The following TSKS variants were observed in gnomAD, a reference collection of about 807,000 sequenced individuals.
The protein encoded by TSKS is testis specific serine kinase substrate, also known as testis-specific serine kinase substrate.
TSKS carries 27 observed loss-of-function variants against 68.0 expected under a neutral mutation model. That is an observed-to-expected ratio of 0.40 (90% confidence interval 0.29 to 0.55). TSKS has a LOEUF of 0.55. Ranked by LOEUF, TSKS falls within the 20% of genes least tolerant of loss-of-function variation. The pLI, the probability that TSKS is intolerant of heterozygous loss-of-function variation, is 0.53. For synonymous variants in TSKS, 331 were observed against 340.4 expected, an observed-to-expected ratio of 0.97 and a Z score of 0.30; for missense variants, 806 against 776.0, an observed-to-expected ratio of 1.04 and a Z score of -0.46.
At chr19:49,749,639 GT>G (rs1199725247) in intron 2 of TSKS, among the ~76,000 whole-genome samples, 2 of 151,922 alleles carry the variant, frequency 1.3e-5, no homozygotes, top group African/African-American at 2.4e-5. Context: ...GTGTGTGTGT[GT>G]GGGGGGTCTC....
rs774088851 is a variant in TSKS at position 49,746,475 on chromosome 19, C to A, written c.987G>T (p.Glu329Asp). 1 of 1,613,938 alleles carries A rather than the reference C, an allele frequency of 6.2e-7. No homozygotes were observed. Among genetic ancestry groups the A allele is most frequent in the South Asian group, 1.1e-5 (1 of 91,068 alleles). ...CGCCCCTAGGTCCCGCCCACCTCAG[C>A]TCTTCGATGCCGGTGAACAGCTTCT... Reference protein sequence around the residue: ...ELQKLFTGIEELRREVSSLTA... With the variant: ...ELQKLFTGIEDLRREVSSLTA... The change falls in exon 6 of 11, where the codon GAG becomes GAT. Residue 329 changes from glutamate (E) to aspartate (D), a missense_variant. By Grantham distance (45) the Glu-to-Asp change is conservative. Coordinates refer to ENST00000246801, the MANE Select transcript of TSKS (RefSeq NM_021733.2).
chr19:49,755,916 GC>G (rs1375327018), intron 2 of TSKS, among the ~76,000 whole-genome samples: 1 of 151,978 alleles, frequency 6.6e-6, no homozygotes, highest in East Asian at 1.9e-4. Context: ...CAGGAGAATC[GC>G]TTGAACCTGG....
chr19:49,748,190 G>A (rs932533592), intron 3 of TSKS, 22 bp from the exon 4 acceptor site: 19 of 1,613,296 alleles, frequency 1.2e-5, no homozygotes, highest in Non-Finnish European at 1.6e-5. Flanking sequence ...AAGGAGGAGA[G>A]GTTAGCCAAG....
chr19:49,760,102 G>A (rs763777981), intron 2 of TSKS, among the ~76,000 whole-genome samples: 10 of 151,944 alleles, frequency 6.6e-5, no homozygotes, highest in Non-Finnish European at 1.0e-4. Context: ...AGTGAGCCAA[G>A]ATCGCACCAC....
In TSKS at chr19:49,746,509, T is replaced by C. The variant is rs2084301951; in HGVS notation, c.953A>G (p.Gln318Arg). ...RAGEGPYVSE[Q>R]ELQKLFTGIE... ...GCCGGTGAACAGCTTCTGCAATTCC[T>C]GCTCGCTCACGTAGGGGCCCTCGCC... Residue 318 changes from glutamine (Q) to arginine (R), a missense_variant, in exon 6 of 11, where the codon CAG becomes CGG. Physicochemically the swap from Gln to Arg is conservative, Grantham distance 43. Coordinates refer to ENST00000246801, the MANE Select transcript of TSKS (RefSeq NM_021733.2). 1.2e-6 allele frequency: 2 copies of C among 1,613,926 alleles called. No individual in the cohort carries two copies. Among genetic ancestry groups the C allele is most frequent in the Non-Finnish European group, 1.7e-6 (2 of 1,179,950 alleles).
At position 49,751,030 on chromosome 19, in the gene TSKS, A is replaced by G. The variant is rs8100604; in HGVS notation, c.400-2561T>C. Reference sequence around the variant, plus strand: ...GTGGATTAAATAATTCAGGCCGGGCACAGTGGCTCACACCTGTAATCCCAG... The same window carrying G: ...GTGGATTAAATAATTCAGGCCGGGCGCAGTGGCTCACACCTGTAATCCCAG... On this transcript the variant is annotated intron_variant, in intron 2 of 10. Coordinates refer to ENST00000246801, the MANE Select transcript of TSKS (RefSeq NM_021733.2). 6.3e-3 allele frequency among the ~76,000 whole-genome samples: 960 copies of G among 152,198 alleles called. 8 individuals carry two copies. Among genetic ancestry groups the G allele is most frequent in the African/African-American group, 0.022 (907 of 41,528 alleles).
intron 1 of TSKS, 147 bp from the exon 2 acceptor site, chr19:49,762,379 A>T: frequency 3.6e-6 from 2 of 557,992 alleles, no homozygotes; most frequent in South Asian, 2.4e-5. Context: ...TGCCTACTTT[A>T]TTCTCCTTCC....
At chr19:49,761,977 C>T in intron 2 of TSKS, 27 bp downstream of exon 2, 2 of 1,584,692 alleles carry the variant, frequency 1.3e-6, no homozygotes, top group East Asian at 2.2e-5. Context: ...TCGGTCCTCC[C>T]CAGCGGGTGG....
At chr19:49,762,346 G>A in intron 1 of TSKS, 114 bp from the exon 2 acceptor site, 1 of 710,296 alleles carries the variant, frequency 1.4e-6, no homozygotes, top group Non-Finnish European at 2.4e-6. Flanking sequence ...CTGTATATAA[G>A]TTTCTCCCTT....
chr19:49,743,502 T>TC (rs1488865149), intron 8 of TSKS, among the ~76,000 whole-genome samples: 1 of 140,228 alleles, frequency 7.1e-6, no homozygotes, highest in East Asian at 2.1e-4. Flanking sequence ...TCTTTTTTTT[T>TC]TTTTTTTTTT....
chr19:49,755,516 A>C (rs541667852), intron 2 of TSKS, among the ~76,000 whole-genome samples: 1 of 151,770 alleles, frequency 6.6e-6, no homozygotes. Flanking sequence ...CCAACATAGC[A>C]AAACCCTGTC....
At chr19:49,742,338 C>T (rs2084259427) in intron 8 of TSKS, among the ~76,000 whole-genome samples, 1 of 151,880 alleles carries the variant, frequency 6.6e-6, no homozygotes, top group African/African-American at 2.4e-5. Flanking sequence ...GTTGGGACTA[C>T]AGGCATGTGC....
At position 49,745,371 on chromosome 19, in the gene TSKS, G is replaced by A; in HGVS notation, c.1018C>T (p.Arg340Trp). ...LRREVSSLTARWHQEEGAVQE... is the reference protein window; with the variant it reads ...LRREVSSLTAWWHQEEGAVQE... ...ACCGCCCCCTCCTCCTGATGCCACC[G>A]GGCGGTCAGTGAGGACACCTCTCTC... Residue 340 changes from arginine to tryptophan, a missense_variant, in exon 7 of 11, where the codon CGG (arginine) becomes TGG (tryptophan). Coordinates refer to ENST00000246801, the MANE Select transcript of TSKS (RefSeq NM_021733.2). 6.3e-6 allele frequency: 10 copies of A among 1,580,420 alleles called. No homozygotes were observed. The highest frequency in any genetic ancestry group is 2.3e-5 in the South Asian group (2 of 88,322).
Position 49,755,726 on chromosome 19 carries a change from G to A in TSKS, c.399+6278C>T, listed in dbSNP as rs1323623159. On this transcript the variant is annotated intron_variant, in intron 2 of 10. Coordinates refer to ENST00000246801, the MANE Select transcript of TSKS (RefSeq NM_021733.2). ...TAGGATAAAATGGGCCAGGTGGCTG[G>A]GCTTGGTGGCTGATGCCTGTAATCC... Among the ~76,000 whole-genome samples the A allele has an allele frequency of 2.0e-5, 3 of 152,148 alleles. No homozygotes were observed. The East Asian group carries it at 5.8e-4, about 29-fold the overall frequency.
At chr19:49,749,851 A>T (rs1320789711) in intron 2 of TSKS, among the ~76,000 whole-genome samples, 1 of 151,768 alleles carries the variant, frequency 6.6e-6, no homozygotes, top group African/African-American at 2.4e-5. Flanking sequence ...GGCTCAAGTG[A>T]TCCTTTTGTG....
chr19:49,751,393 G>T (rs1278352131), intron 2 of TSKS, among the ~76,000 whole-genome samples: 2 of 149,382 alleles, frequency 1.3e-5, no homozygotes, highest in Non-Finnish European at 3.0e-5. Flanking sequence ...GAAGCAGTTT[G>T]TTCACAATTC....
chr19:49,746,597 G>A lies in TSKS; in HGVS notation c.865C>T (p.Pro289Ser). 1 of 1,612,038 alleles carries A rather than the reference G, an allele frequency of 6.2e-7. No homozygotes were observed. Among genetic ancestry groups the A allele is most frequent in the Non-Finnish European group, 8.5e-7 (1 of 1,179,330 alleles). Residue 289 changes from proline (P) to serine (S), a missense_variant, in exon 6 of 11, where the codon CCC (proline) becomes TCC (serine). Pro to Ser is a moderately conservative substitution (Grantham distance 74). Coordinates refer to ENST00000246801, the MANE Select transcript of TSKS (RefSeq NM_021733.2). ...SQGCPGPPGS[P>S]DKPSRPHGLV... is the part of the protein sequence containing the mutation. ...CCGTGTGGCCGCGAGGGTTTGTCGG[G>A]ACTCCCTGGCGGGCCGGGGCAGCCC... is the stretch of plus-strand genomic sequence containing the variant.
intron 9 of TSKS, 189 bp from the exon 10 acceptor site, chr19:49,740,372 T>C: frequency 1.5e-6 from 1 of 663,354 alleles, no homozygotes; most frequent in South Asian, 2.0e-5. Context: ...GATTCCGCTG[T>C]GGACTAAATC....
chr19:49,761,907 C>T, intron 2 of TSKS, 97 bp downstream of exon 2: 1 of 1,006,216 alleles, frequency 9.9e-7, no homozygotes, highest in Non-Finnish European at 1.5e-6. Context: ...AACATTCTAA[C>T]TCCAAGTCAA....
Sources: allele counts gnomAD v4.1 joint callset (sites outside exome capture counted in the v4.1 genomes callset), GRCh38; gene constraint gnomAD v4.1.1; transcripts MANE v1.5; gene names NCBI Gene and HGNC (gene_info 2026-07-23, HGNC 2026-07-21).